Variants in TRDMT1 observed in about 807,000 individuals in gnomAD.
TRDMT1 encodes tRNA (cytosine(38)-C(5))-methyltransferase.
TRDMT1 carries 49 observed loss-of-function variants against 51.2 expected under a neutral mutation model. That is an observed-to-expected ratio of 0.96 (90% CI 0.76 to 1.21). The LOEUF is 1.21. Among genes scored for constraint, TRDMT1 ranks in the 50% most tolerant of loss-of-function variants. The probability of loss-of-function intolerance (pLI) is 0.00; values close to 1 mark genes in which losing one functional copy is unlikely to be tolerated. For synonymous variants in TRDMT1, 187 were observed against 164.6 expected, an observed-to-expected ratio of 1.14 and a Z score of -1.04; for missense variants, 534 against 462.3, an observed-to-expected ratio of 1.16 and a Z score of -1.42.
chr10:17,185,058 G>A (rs1456141636), intron 1 of TRDMT1, among the ~76,000 whole-genome samples: 1 of 152,074 alleles, frequency 6.6e-6, no homozygotes, highest in Non-Finnish European at 1.5e-5. Context: ...CTATTAAGAG[G>A]ATAATAAAGT....
intron 1 of TRDMT1, among the ~76,000 whole-genome samples, chr10:17,184,882 T>A (rs937054487): frequency 6.6e-6 from 1 of 152,180 alleles, no homozygotes; most frequent in Non-Finnish European, 1.5e-5. Flanking sequence ...TTTTATTTTG[T>A]GTGTGTGTTC....
chr10:17,168,729 A>C, intron 3 of TRDMT1, 112 bp downstream of exon 3: 1 of 702,554 alleles, frequency 1.4e-6, no homozygotes, highest in South Asian at 2.0e-5. Context: ...AGCCACATGG[A>C]ACTGTAAGTC....
chr10:17,162,941 C>T (rs945355939), intron 3 of TRDMT1, among the ~76,000 whole-genome samples: 3 of 152,152 alleles, frequency 2.0e-5, no homozygotes, highest in African/African-American at 7.2e-5. Context: ...AAAACACACA[C>T]ACATGTGCTG....
chr10:17,191,776 G>T (rs915787580), intron 1 of TRDMT1, among the ~76,000 whole-genome samples: 1 of 152,040 alleles, frequency 6.6e-6, no homozygotes, highest in African/African-American at 2.4e-5. Flanking sequence ...TTCTCATCCT[G>T]TCTGTTATTG....
chr10:17,170,005 A>C (rs540054435), intron 2 of TRDMT1, among the ~76,000 whole-genome samples: 1 of 152,324 alleles, frequency 6.6e-6, no homozygotes, highest in Admixed American at 6.5e-5. Context: ...GCCTGTACAT[A>C]CAGGGCCATT....
Position 17,201,477 on chromosome 10 carries a change from C to CCCACAGTGTCCGCA in TRDMT1, c.64+93_64+94insTGCGGACACTGTGG. On this transcript the variant is annotated intron_variant, in intron 1 of 10. Transcript: ENST00000377799. ...ACAGTGTCCGCCCCACAGTGTCCGC[C>CCCACAGTGTCCGCA]CCTTGCGTCTCGCCGCTCCGCCCCT... The CCCACAGTGTCCGCA allele has an allele frequency of 3.0e-6, 4 of 1,346,796 alleles. No individual in the cohort carries two copies. In the South Asian group the frequency reaches 3.8e-5, roughly 13 times the overall value. The allele number at this position is 1,346,796 out of a possible 1,614,324, so 83.4% of individuals were successfully genotyped here.
At position 17,138,762 on chromosome 10, in the gene TRDMT1, T is replaced by C. The variant is rs1003736525; in HGVS notation, c.*10278A>G. ...GAGAACTTTTCCACTTTTTTCAAGT[T>C]TTTTTTTTTAAGTAATATAATCCCT... On this transcript the variant is annotated 3_prime_UTR_variant, in exon 11 of 11. Transcript: ENST00000377799. Among the ~76,000 whole-genome samples, 1 of 150,592 alleles carries C rather than the reference T, an allele frequency of 6.6e-6. No homozygotes were observed. The highest frequency in any genetic ancestry group is 2.5e-5 in the African/African-American group (1 of 40,756).
chr10:17,155,783 C>T, intron 8 of TRDMT1, among the ~76,000 whole-genome samples: 1 of 152,000 alleles, frequency 6.6e-6, no homozygotes, highest in Non-Finnish European at 1.5e-5. Flanking sequence ...TAATTTTTTT[C>T]AAACTGTCTT....
At chr10:17,168,812 T>G in intron 3 of TRDMT1, 29 bp downstream of exon 3, 1 of 1,518,134 alleles carries the variant, frequency 6.6e-7, no homozygotes, top group Non-Finnish European at 9.1e-7. Flanking sequence ...AATGGACCAA[T>G]ACAACACTGA....
intron 1 of TRDMT1, chr10:17,200,517 T>C (rs1846007957): frequency 6.0e-6 from 1 of 168,028 alleles, no homozygotes; most frequent in Admixed American, 6.5e-5. Context: ...GTCTGTATCT[T>C]ACAGTTACTC....
intron 3 of TRDMT1, among the ~76,000 whole-genome samples, chr10:17,167,968 G>A (rs45472399): frequency 0.28 from 42,854 of 151,878 alleles, 6,301 homozygotes; most frequent in Middle Eastern, 0.38. Context: ...TTGCTCATCT[G>A]GTAGCAACTG....
chr10:17,167,379 C>T (rs917475026), intron 3 of TRDMT1, among the ~76,000 whole-genome samples: 8 of 152,062 alleles, frequency 5.3e-5, no homozygotes, highest in Admixed American at 5.2e-4. Context: ...AATTGTATAT[C>T]CTTGAGAAAG....
intron 1 of TRDMT1, among the ~76,000 whole-genome samples, chr10:17,191,632 T>C (rs1442597408): frequency 6.6e-6 from 1 of 152,130 alleles, no homozygotes; most frequent in Non-Finnish European, 1.5e-5. Flanking sequence ...GGGCTGTATC[T>C]GCTGTGGGAG....
chr10:17,194,018 T>A (rs1845046307), intron 1 of TRDMT1, among the ~76,000 whole-genome samples: 1 of 152,010 alleles, frequency 6.6e-6, no homozygotes. Flanking sequence ...ACACCTACAG[T>A]CATCTGATCT....
In TRDMT1 at chr10:17,149,110, C is replaced by A. The variant is rs200539562; in HGVS notation, c.1106G>T (p.Arg369Leu). 1 of 1,611,222 alleles carries A rather than the reference C, an allele frequency of 6.2e-7. No individual in the cohort carries two copies. The highest frequency in any genetic ancestry group is 8.5e-7 in the Non-Finnish European group (1 of 1,178,950). ...GFPEKITVKQ[R>L]YRLLGNSLNV... Reference sequence around the variant, plus strand: ...GAGACTATTTCCAAGTAGGCGATAACGCTGTTTCACTGTTATCTTCTCAGG... The same window carrying A: ...GAGACTATTTCCAAGTAGGCGATAAAGCTGTTTCACTGTTATCTTCTCAGG... Residue 369 changes from arginine (R) to leucine (L), a missense_variant, in exon 11 of 11, where the codon CGT (arginine) becomes CTT (leucine). Transcript: ENST00000377799.
chr10:17,159,208 G>A lies in TRDMT1; in HGVS notation c.481C>T (p.Leu161=), dbSNP rs1172888225. ...AGCTTTGCAATAAGAAAATATCGTA[G>A]CCTTGAATTTGGAATGCCAAGCTGT... ...PTSLGIPNSR[L]RYFLIAKLQS... Residue 161 remains leucine (L), a synonymous_variant, in exon 7 of 11, where the codon CTA becomes TTA. Transcript: ENST00000377799. 1 of 1,602,510 alleles carries A rather than the reference G, an allele frequency of 6.2e-7. No homozygotes were observed.
At chr10:17,192,055 G>C (rs965195456) in intron 1 of TRDMT1, among the ~76,000 whole-genome samples, 8 of 152,144 alleles carry the variant, frequency 5.3e-5, no homozygotes, top group Admixed American at 2.6e-4. Flanking sequence ...AGGCAGGTGG[G>C]GCCAAGCAAA....
chr10:17,154,103 G>A (rs976141656), intron 9 of TRDMT1, among the ~76,000 whole-genome samples: 1 of 152,012 alleles, frequency 6.6e-6, no homozygotes, highest in Admixed American at 6.6e-5. Flanking sequence ...ATATTCAATT[G>A]CCTATAACAG....
chr10:17,183,907 T>C (rs1175553716), intron 1 of TRDMT1, among the ~76,000 whole-genome samples: 1 of 152,178 alleles, frequency 6.6e-6, no homozygotes, highest in Non-Finnish European at 1.5e-5. Context: ...CACAGGCACA[T>C]ACACACCAGT....
Sources: gnomAD v4.1 joint callset for allele counts (sites outside exome capture counted in the v4.1 genomes callset) on GRCh38, gnomAD v4.1.1 for gene constraint, MANE v1.5 for transcripts, NCBI Gene and HGNC (gene_info 2026-07-23, HGNC 2026-07-21) for gene names.